Variants in SCTR observed in about 807,000 individuals in gnomAD.
SCTR encodes the protein pancreatic secretin receptor.
Under a neutral mutation model 60.8 loss-of-function variants are expected in SCTR, and 56 were observed. The ratio of observed to expected loss-of-function variants is 0.92; its 90% CI spans 0.74 to 1.15. The LOEUF is 1.15. Among genes scored for constraint, SCTR ranks in the 50% most tolerant of loss-of-function variants. SCTR has a pLI of 0.00. For synonymous variants in SCTR, 202 were observed against 217.0 expected, an observed-to-expected ratio of 0.93 and a Z score of 0.61; for missense variants, 562 against 550.4, an observed-to-expected ratio of 1.02 and a Z score of -0.21.
chr2:119,515,414 G>C (rs1679081337), intron 1 of SCTR, among the ~76,000 whole-genome samples: 1 of 152,212 alleles, frequency 6.6e-6, no homozygotes, highest in Non-Finnish European at 1.5e-5. Context: ...TAACTGCATA[G>C]TTGGTAAAAC....
chr2:119,515,501 G>A (rs987952560), intron 1 of SCTR, among the ~76,000 whole-genome samples: 1 of 152,214 alleles, frequency 6.6e-6, no homozygotes, highest in Non-Finnish European at 1.5e-5. Flanking sequence ...TTCAACGTGG[G>A]CAGGCACCAT....
At chr2:119,452,378 A>C (rs1326075612) in intron 8 of SCTR, among the ~76,000 whole-genome samples, 2 of 152,206 alleles carry the variant, frequency 1.3e-5, no homozygotes, top group African/African-American at 2.4e-5. Flanking sequence ...AAACTCAGCT[A>C]CCAACAGAAG....
intron 2 of SCTR, among the ~76,000 whole-genome samples, chr2:119,489,103 T>C (rs1358596090): frequency 6.6e-6 from 1 of 152,114 alleles, no homozygotes; most frequent in African/African-American, 2.4e-5. Flanking sequence ...AGTCAGAGCC[T>C]GAGTGGGGCA....
intron 11 of SCTR, among the ~76,000 whole-genome samples, chr2:119,444,237 G>GAATATATACACATATACATATA (rs1682779021): frequency 7.5e-6 from 1 of 132,528 alleles, no homozygotes; most frequent in Admixed American, 7.6e-5. Flanking sequence ...ATATACATAT[G>GAATATATACACATATACATATA]AATATATACA....
intron 2 of SCTR, among the ~76,000 whole-genome samples, chr2:119,492,191 A>G (rs72834819): frequency 0.019 from 2,819 of 152,324 alleles, 38 homozygotes; most frequent in South Asian, 0.053. Flanking sequence ...GAAGCCACAC[A>G]TTCAGGCAAA....
At chr2:119,488,339 G>A (rs1364295516) in intron 2 of SCTR, among the ~76,000 whole-genome samples, 1 of 152,230 alleles carries the variant, frequency 6.6e-6, no homozygotes, top group Non-Finnish European at 1.5e-5. Flanking sequence ...AAAGCCAGGG[G>A]AGCCCTTTTC....
chr2:119,482,970 TG>T (rs1573878065), intron 2 of SCTR, among the ~76,000 whole-genome samples: 1 of 152,218 alleles, frequency 6.6e-6, no homozygotes. Context: ...TGGAAGCAGC[TG>T]GGGCATTTCC....
chr2:119,512,784 A>C (rs531693443), intron 1 of SCTR, among the ~76,000 whole-genome samples: 2 of 152,324 alleles, frequency 1.3e-5, no homozygotes, highest in East Asian at 3.9e-4. Flanking sequence ...AACTTCCAAG[A>C]ATCCTTTCTT....
chr2:119,473,700 A>G lies in SCTR; in HGVS notation c.302-144T>C. ...ACAGCAGTTCCAGAACTTGCCCAAGACCACACCCTAGTAAATAGGGGGAAA... is the reference window on the plus strand; with the variant it reads ...ACAGCAGTTCCAGAACTTGCCCAAGGCCACACCCTAGTAAATAGGGGGAAA... On this transcript the variant is annotated intron_variant, in intron 3 of 12. Transcript: ENST00000019103. 3 of 645,232 alleles carry G rather than the reference A, an allele frequency of 4.6e-6. No homozygotes were observed. In the East Asian group the frequency reaches 8.2e-5, roughly 18 times the overall value. 40.0% of individuals were successfully genotyped at this position (645,232 alleles called of 1,614,324 possible).
intron 7 of SCTR, among the ~76,000 whole-genome samples, chr2:119,458,870 G>A (rs1683486356): frequency 6.6e-6 from 1 of 152,186 alleles, no homozygotes; most frequent in Non-Finnish European, 1.5e-5. Flanking sequence ...GCTGGGTTTG[G>A]CAGACCTTCA....
intron 11 of SCTR, 51 bp from the exon 12 acceptor site, chr2:119,441,650 C>T: frequency 2.6e-6 from 4 of 1,550,698 alleles, no homozygotes; most frequent in Non-Finnish European, 3.5e-6. Context: ...CAGCATGCGG[C>T]CTGAACCAGC....
chr2:119,443,861 A>G (rs1682752681), intron 11 of SCTR, among the ~76,000 whole-genome samples: 1 of 152,294 alleles, frequency 6.6e-6, no homozygotes, highest in African/African-American at 2.4e-5. Flanking sequence ...ATACATTTTT[A>G]AAGAGTATAT....
At chr2:119,480,816 G>C (rs918756869) in intron 2 of SCTR, 1 of 152,340 alleles carries the variant, frequency 6.6e-6, no homozygotes, top group African/African-American at 2.4e-5. Flanking sequence ...GAAATGAGCT[G>C]AGGGACACCC....
intron 9 of SCTR, among the ~76,000 whole-genome samples, chr2:119,451,300 CT>C (rs1390650270): frequency 6.6e-6 from 1 of 152,234 alleles, no homozygotes; most frequent in Non-Finnish European, 1.5e-5. Flanking sequence ...CTCTGTCCCC[CT>C]ATGCTGAACC....
intron 7 of SCTR, among the ~76,000 whole-genome samples, chr2:119,454,130 T>A (rs1392068120): frequency 6.6e-6 from 1 of 152,122 alleles, no homozygotes; most frequent in Non-Finnish European, 1.5e-5. Flanking sequence ...TGGCAGCTGA[T>A]GTCCCGAGCA....
chr2:119,518,531 C>T (rs1443938009), intron 1 of SCTR, among the ~76,000 whole-genome samples: 3 of 152,200 alleles, frequency 2.0e-5, no homozygotes, highest in African/African-American at 7.2e-5. Context: ...AGGGATGACC[C>T]TCCCCAAATG....
intron 10 of SCTR, among the ~76,000 whole-genome samples, chr2:119,447,717 G>A (rs1485054731): frequency 1.3e-5 from 2 of 152,056 alleles, no homozygotes; most frequent in Non-Finnish European, 2.9e-5. Context: ...GATTACAGGC[G>A]CCCTCCACCA....
At chr2:119,523,322 C>T (rs931825912) in intron 1 of SCTR, among the ~76,000 whole-genome samples, 1 of 151,498 alleles carries the variant, frequency 6.6e-6, no homozygotes, top group South Asian at 2.1e-4. Flanking sequence ...TCAGAGATCC[C>T]GGAGCTCAGA....
chr2:119,485,388 A>T (rs1178148850), intron 2 of SCTR, among the ~76,000 whole-genome samples: 1 of 152,128 alleles, frequency 6.6e-6, no homozygotes, highest in Non-Finnish European at 1.5e-5. Context: ...CCCCAGAGGC[A>T]GGTCTGGGTG....
Sources: allele counts gnomAD v4.1 joint callset (sites outside exome capture counted in the v4.1 genomes callset), GRCh38; gene constraint gnomAD v4.1.1; transcripts MANE v1.5; gene names NCBI Gene and HGNC (gene_info 2026-07-23, HGNC 2026-07-21).